SLC10A7: variants seen among roughly 807,000 people sequenced by gnomAD.
SLC10A7 encodes the protein sodium/bile acid cotransporter 7.
A neutral mutation model predicts 43.2 loss-of-function variants in SLC10A7; 29 were observed. The ratio of observed to expected loss-of-function variants is 0.67; its 90% confidence interval spans 0.50 to 0.92. SLC10A7 has a LOEUF of 0.92. Among genes scored for constraint, SLC10A7 ranks in the 40% least tolerant of loss-of-function variants. SLC10A7 has a pLI of 0.00. For missense variants in SLC10A7, 295 were observed against 403.2 expected (o/e 0.73, Z 2.30); for synonymous variants, 152 against 144.8 (o/e 1.05, Z -0.35).
intron 4 of SLC10A7, among the ~76,000 whole-genome samples, chr4:146,500,245 T>A (rs986207020): frequency 6.6e-6 from 1 of 152,218 alleles, no homozygotes; most frequent in Non-Finnish European, 1.5e-5. Context: ...AATGCATGTC[T>A]ACGCATCTCA....
intron 5 of SLC10A7, among the ~76,000 whole-genome samples, chr4:146,335,251 T>TAAAAA (rs34522588): frequency 3.2e-5 from 3 of 92,640 alleles, no homozygotes; most frequent in South Asian, 4.3e-4. Context: ...ACAGATGTTG[T>TAAAAA]AAAAAAAAAA....
intron 5 of SLC10A7, among the ~76,000 whole-genome samples, chr4:146,356,634 C>T (rs1022890608): frequency 6.6e-6 from 1 of 151,490 alleles, no homozygotes; most frequent in Non-Finnish European, 1.5e-5. Flanking sequence ...TGTTATCTTG[C>T]TTTATTTTTG....
At chr4:146,265,129 G>T (rs980039020) in intron 10 of SLC10A7, among the ~76,000 whole-genome samples, 28 of 152,212 alleles carry the variant, frequency 1.8e-4, no homozygotes, top group Non-Finnish European at 3.4e-4. Flanking sequence ...TAAGTGCTCT[G>T]CCTGCACCAT....
intron 5 of SLC10A7, among the ~76,000 whole-genome samples, chr4:146,389,076 A>C (rs1485360978): frequency 6.6e-6 from 1 of 152,212 alleles, no homozygotes; most frequent in Non-Finnish European, 1.5e-5. Flanking sequence ...ACTCAGAAAC[A>C]GAAAATCAAA....
chr4:146,424,148 C>G (rs1052254940), intron 5 of SLC10A7, among the ~76,000 whole-genome samples: 30 of 152,168 alleles, frequency 2.0e-4, no homozygotes, highest in Admixed American at 7.9e-4. Flanking sequence ...AACTCACAGG[C>G]TCAAATGGTT....
chr4:146,285,171 T>C (rs1316098478), intron 9 of SLC10A7, among the ~76,000 whole-genome samples: 1 of 151,998 alleles, frequency 6.6e-6, no homozygotes, highest in Non-Finnish European at 1.5e-5. Flanking sequence ...ATGGAGTTGA[T>C]ATGATGGGAT....
At chr4:146,262,391 G>A (rs1166034141) in intron 10 of SLC10A7, among the ~76,000 whole-genome samples, 1 of 152,186 alleles carries the variant, frequency 6.6e-6, no homozygotes, top group Admixed American at 6.5e-5. Context: ...GGAAACTTGG[G>A]GGTCATCTCA....
intron 5 of SLC10A7, among the ~76,000 whole-genome samples, chr4:146,367,514 C>T (rs1736480044): frequency 2.0e-5 from 3 of 152,090 alleles, no homozygotes; most frequent in Non-Finnish European, 2.9e-5. Context: ...GTTCACAAAA[C>T]CCCAATTGTT....
At chr4:146,323,464 C>T (rs1385448706) in intron 6 of SLC10A7, among the ~76,000 whole-genome samples, 1 of 152,140 alleles carries the variant, frequency 6.6e-6, no homozygotes, top group Non-Finnish European at 1.5e-5. Flanking sequence ...GTTTTCCCAG[C>T]ACCATTTATT....
chr4:146,277,758 G>C (rs1485013353), intron 10 of SLC10A7, among the ~76,000 whole-genome samples: 1 of 152,102 alleles, frequency 6.6e-6, no homozygotes, highest in Non-Finnish European at 1.5e-5. Flanking sequence ...GTGGCTCTTA[G>C]TTTGCAAGAA....
At chr4:146,353,183 A>G (rs1189515792) in intron 5 of SLC10A7, among the ~76,000 whole-genome samples, 1 of 99,078 alleles carries the variant, frequency 1.0e-5, no homozygotes, top group Non-Finnish European at 2.0e-5. Flanking sequence ...AAATAGACAC[A>G]ATAAAAAATG....
chr4:146,458,355 A>G (rs971349763), intron 4 of SLC10A7, among the ~76,000 whole-genome samples: 3 of 151,762 alleles, frequency 2.0e-5, no homozygotes, highest in African/African-American at 4.8e-5. Context: ...AACAGCTGAC[A>G]TCATACCTAA....
At position 146,370,024 on chromosome 4, in the gene SLC10A7, T is replaced by C. The variant is rs371060596; in HGVS notation, c.436-44028A>G. On this transcript the variant is annotated intron_variant, in intron 5 of 11. Coordinates refer to ENST00000335472, the MANE Select transcript of SLC10A7 (RefSeq NM_001029998.6). ...TGCATTCAATAAATATATGTCAGAA[T>C]AAACAAAAATCACAGAAGCTGAAAG... 7.9e-5 allele frequency among the ~76,000 whole-genome samples: 12 copies of C among 151,916 alleles called. No individual in the cohort carries two copies. In the East Asian group the frequency reaches 1.2e-3, roughly 15 times the overall value.
chr4:146,448,124 G>A (rs931800286), intron 4 of SLC10A7, among the ~76,000 whole-genome samples: 4 of 151,804 alleles, frequency 2.6e-5, no homozygotes, highest in African/African-American at 7.3e-5. Context: ...GCTAAATGAC[G>A]AGTTAATGGG....
At chr4:146,264,345 A>G (rs1188582765) in intron 10 of SLC10A7, among the ~76,000 whole-genome samples, 1 of 152,214 alleles carries the variant, frequency 6.6e-6, no homozygotes, top group Non-Finnish European at 1.5e-5. Context: ...TAGATTAAAT[A>G]TGGACTTTTA....
chr4:146,430,860 T>C (rs1330339710), intron 5 of SLC10A7, among the ~76,000 whole-genome samples: 3 of 152,162 alleles, frequency 2.0e-5, no homozygotes, highest in African/African-American at 7.2e-5. Flanking sequence ...TAGAATTTTT[T>C]TCCCCTGATC....
chr4:146,311,687 A>G (rs923907057), intron 6 of SLC10A7, among the ~76,000 whole-genome samples: 2 of 152,144 alleles, frequency 1.3e-5, no homozygotes, highest in African/African-American at 4.8e-5. Flanking sequence ...GACATAGAGC[A>G]GGATTTGTTG....
chr4:146,313,802 C>T (rs1294019902), intron 6 of SLC10A7, among the ~76,000 whole-genome samples: 2 of 152,120 alleles, frequency 1.3e-5, no homozygotes, highest in Non-Finnish European at 2.9e-5. Flanking sequence ...CTATGAACTC[C>T]TATTAAGCTC....
At chr4:146,364,393 G>T (rs1262024707) in intron 5 of SLC10A7, among the ~76,000 whole-genome samples, 1 of 152,084 alleles carries the variant, frequency 6.6e-6, no homozygotes, top group African/African-American at 2.4e-5. Context: ...TGACTTCACT[G>T]ATGAATTTTA....
Sources: gnomAD v4.1 joint callset for allele counts (sites outside exome capture counted in the v4.1 genomes callset) on GRCh38, gnomAD v4.1.1 for gene constraint, MANE v1.5 for transcripts, NCBI Gene and HGNC (gene_info 2026-07-23, HGNC 2026-07-21) for gene names.